The following ENTREP2 variants were observed in gnomAD, a reference collection of about 807,000 sequenced individuals.
The protein encoded by ENTREP2 is protein ENTREP2.
At chr15:29,517,538 T>C in the ENTREP2 span, among the ~76,000 whole-genome samples, 2 of 152,192 alleles carry the variant, frequency 1.3e-5, no homozygotes, top group African/African-American at 4.8e-5. Flanking sequence ...AAAAGGACTC[T>C]AACCACTTAA....
the ENTREP2 span, among the ~76,000 whole-genome samples, chr15:29,551,840 AC>A: frequency 1.3e-5 from 2 of 152,150 alleles, no homozygotes; most frequent in Non-Finnish European, 2.9e-5. Context: ...AAAACCCTGA[AC>A]CATTTCCCTA....
chr15:29,180,772 T>A, the ENTREP2 span, among the ~76,000 whole-genome samples: 8 of 151,730 alleles, frequency 5.3e-5, no homozygotes, highest in Non-Finnish European at 1.2e-4. Context: ...ACCCAGGGAC[T>A]GAAAAATAAA....
At chr15:29,545,388 G>T in the ENTREP2 span, among the ~76,000 whole-genome samples, 2 of 152,202 alleles carry the variant, frequency 1.3e-5, no homozygotes, top group African/African-American at 4.8e-5. Context: ...TATTAAAGCT[G>T]TCAGGCAAAG....
the ENTREP2 span, among the ~76,000 whole-genome samples, chr15:29,337,426 C>G: frequency 4.5e-4 from 68 of 152,256 alleles, 1 homozygote; most frequent in South Asian, 6.8e-3. Flanking sequence ...TAGACATTCC[C>G]CTACTGATTG....
At chr15:29,258,085 C>T in the ENTREP2 span, among the ~76,000 whole-genome samples, 14 of 151,926 alleles carry the variant, frequency 9.2e-5, no homozygotes, top group Admixed American at 2.0e-4. Flanking sequence ...TGCTGGCACG[C>T]GCCTGTAATC....
the ENTREP2 span, among the ~76,000 whole-genome samples, chr15:29,253,452 C>CTT: frequency 3.2e-3 from 453 of 142,652 alleles, 3 homozygotes; most frequent in Non-Finnish European, 4.1e-3. Flanking sequence ...GTCTCTCTCT[C>CTT]TTTTTTTTTT....
At chr15:29,377,598 C>T in the ENTREP2 span, among the ~76,000 whole-genome samples, 1 of 151,748 alleles carries the variant, frequency 6.6e-6, no homozygotes, top group South Asian at 2.1e-4. Flanking sequence ...CCAAGGTGGG[C>T]GGATCACGAG....
At chr15:29,467,095 G>A in the ENTREP2 span, among the ~76,000 whole-genome samples, 1 of 151,844 alleles carries the variant, frequency 6.6e-6, no homozygotes, top group East Asian at 1.9e-4. Flanking sequence ...GAGGGCCCAG[G>A]GGAGGATGCT....
At chr15:29,674,090 G>A in the ENTREP2 span, among the ~76,000 whole-genome samples, 3 of 149,322 alleles carry the variant, frequency 2.0e-5, no homozygotes, top group African/African-American at 7.4e-5. Context: ...TGCCTCCCAG[G>A]GTGTGTGGGA....
the ENTREP2 span, among the ~76,000 whole-genome samples, chr15:29,674,129 G>GGGA: frequency 2.1e-5 from 1 of 47,910 alleles, no homozygotes; most frequent in Non-Finnish European, 4.0e-5. Flanking sequence ...TGCAGAGGAT[G>GGGA]GGGGGGGGGG....
At chr15:29,341,676 C>A in the ENTREP2 span, among the ~76,000 whole-genome samples, 1 of 152,034 alleles carries the variant, frequency 6.6e-6, no homozygotes, top group African/African-American at 2.4e-5. Flanking sequence ...TGTCAAGCGC[C>A]GTGGAAGGGA....
At chr15:29,194,677 C>G in the ENTREP2 span, among the ~76,000 whole-genome samples, 1 of 152,176 alleles carries the variant, frequency 6.6e-6, no homozygotes, top group Non-Finnish European at 1.5e-5. Flanking sequence ...ACTGCAAGGT[C>G]ACCAGCTCCC....
At chr15:29,516,985 AAAC>A in the ENTREP2 span, among the ~76,000 whole-genome samples, 1 of 151,722 alleles carries the variant, frequency 6.6e-6, no homozygotes, top group African/African-American at 2.4e-5. Flanking sequence ...AAAAAAAAAA[AAAC>A]TACTGGACAA....
chr15:29,264,183 G>C, the ENTREP2 span, among the ~76,000 whole-genome samples: 1 of 115,472 alleles, frequency 8.7e-6, no homozygotes, highest in Non-Finnish European at 1.8e-5. Context: ...CTCTCTTTTT[G>C]TGCCAACAAG....
At chr15:29,180,944 G>A in the ENTREP2 span, among the ~76,000 whole-genome samples, 161 of 149,710 alleles carry the variant, frequency 1.1e-3, 1 homozygote, top group African/African-American at 3.7e-3. Context: ...TTGGAAGGAA[G>A]GAAAAAATGG....
chr15:29,179,020 T>C, the ENTREP2 span, among the ~76,000 whole-genome samples: 1 of 152,228 alleles, frequency 6.6e-6, no homozygotes, highest in African/African-American at 2.4e-5. Context: ...ACTATTTATG[T>C]GGCCTACAGG....
chr15:29,283,824 A>G, the ENTREP2 span, among the ~76,000 whole-genome samples: 1 of 152,134 alleles, frequency 6.6e-6, no homozygotes, highest in Non-Finnish European at 1.5e-5. Flanking sequence ...GATTTTTTTT[A>G]TTGTTTTGTT....
the ENTREP2 span, among the ~76,000 whole-genome samples, chr15:29,461,768 C>T: frequency 7.9e-5 from 12 of 152,176 alleles, no homozygotes; most frequent in East Asian, 1.5e-3. Flanking sequence ...CCACCGTGCC[C>T]GGCCATCATT....
chr15:29,554,366 A>G, the ENTREP2 span, among the ~76,000 whole-genome samples: 1 of 147,472 alleles, frequency 6.8e-6, no homozygotes, highest in Non-Finnish European at 1.5e-5. Flanking sequence ...AAGGAAGGAA[A>G]GGATGGAGGG....
Sources: gnomAD v4.1 joint callset for allele counts (sites outside exome capture counted in the v4.1 genomes callset) on GRCh38, gnomAD v4.1.1 for gene constraint, MANE v1.5 for transcripts, NCBI Gene and HGNC (gene_info 2026-07-23, HGNC 2026-07-21) for gene names.